The following GARNL3 variants were observed in gnomAD, a reference collection of about 807,000 sequenced individuals.
The protein encoded by GARNL3 is GTPase activating Rap/RanGAP domain like 3, also known as GTPase-activating Rap/Ran-GAP domain-like protein 3.
A neutral mutation model predicts 125.0 loss-of-function variants in GARNL3; 63 were observed. The observed-to-expected ratio is 0.50, with a 90% CI of 0.41 to 0.62. The LOEUF (loss-of-function observed/expected upper bound fraction) is 0.62, where lower values mean the gene tolerates loss of function less well. Ranked by LOEUF, GARNL3 falls within the 20% of genes least tolerant of loss-of-function variation. The probability of loss-of-function intolerance (pLI) is 0.00; values close to 1 mark genes in which losing one functional copy is unlikely to be tolerated. For synonymous variants in GARNL3, 439 were observed against 457.5 expected, an observed-to-expected ratio of 0.96 and a Z score of 0.52; for missense variants, 994 against 1,244.0, an observed-to-expected ratio of 0.80 and a Z score of 3.02.
chr9:127,270,159 C>T (rs2063791438), intron 1 of GARNL3, among the ~76,000 whole-genome samples: 1 of 152,098 alleles, frequency 6.6e-6, no homozygotes, highest in Admixed American at 6.5e-5. Flanking sequence ...CCAGTTTTCC[C>T]AGCACCAGTG....
At chr9:127,245,871 T>G (rs146539895) in intron 2 of GARNL3, among the ~76,000 whole-genome samples, 1 of 152,156 alleles carries the variant, frequency 6.6e-6, no homozygotes, top group African/African-American at 2.4e-5. Flanking sequence ...TCTGGTCCAG[T>G]GCCCATCTCT....
chr9:127,383,030 G>A (rs990425219), intron 22 of GARNL3, among the ~76,000 whole-genome samples: 3 of 152,188 alleles, frequency 2.0e-5, no homozygotes, highest in African/African-American at 4.8e-5. Flanking sequence ...CTGCAGTCAC[G>A]CAGACCTGTG....
At chr9:127,278,731 C>A (rs899500076) in intron 1 of GARNL3, among the ~76,000 whole-genome samples, 3 of 152,138 alleles carry the variant, frequency 2.0e-5, no homozygotes, top group African/African-American at 7.2e-5. Flanking sequence ...GTTCTGGAGG[C>A]TAACAGTTCA....
At chr9:127,378,606 CAG>C (rs1832071202) in intron 22 of GARNL3, among the ~76,000 whole-genome samples, 1 of 122,070 alleles carries the variant, frequency 8.2e-6, no homozygotes, top group Non-Finnish European at 1.8e-5. Context: ...AAAAAAAAAA[CAG>C]ATAAAGGCAT....
intron 6 of GARNL3, among the ~76,000 whole-genome samples, chr9:127,321,089 G>C (rs190496203): frequency 2.0e-5 from 3 of 152,248 alleles, no homozygotes; most frequent in Admixed American, 1.3e-4. Context: ...TGGCTTAAAA[G>C]CTACCCTTTT....
At position 127,266,557 on chromosome 9, in the gene GARNL3, G is replaced by C. The variant is rs890335146; in HGVS notation, c.144+1536G>C. Reference sequence around the variant, plus strand: ...GAACATGTGATCTGAAGTCATTCTTGTTTCATCATTCACTAATTGTATGAT... The same window carrying C: ...GAACATGTGATCTGAAGTCATTCTTCTTTCATCATTCACTAATTGTATGAT... On this transcript the variant is annotated intron_variant, in intron 1 of 27. Transcript: ENST00000373387. This position sits in a 1 kb window ranked among gnomAD's most constrained non-coding sequence, Gnocchi z 4.0. Among the ~76,000 whole-genome samples, 3 of 152,160 alleles carry C rather than the reference G, an allele frequency of 2.0e-5. No homozygotes were observed. Among genetic ancestry groups the C allele is most frequent in the Non-Finnish European group, 2.9e-5 (2 of 68,026 alleles).
chr9:127,387,114 T>G (rs1832580627), intron 24 of GARNL3, 79 bp from the exon 25 acceptor site: 13 of 1,458,274 alleles, frequency 8.9e-6, no homozygotes, highest in Non-Finnish European at 1.1e-5. Context: ...TTGGAGGGTT[T>G]GCAGTGATGG....
intron 1 of GARNL3, among the ~76,000 whole-genome samples, chr9:127,269,465 C>G (rs1035772360): frequency 3.3e-5 from 5 of 152,176 alleles, no homozygotes; most frequent in African/African-American, 1.2e-4. Context: ...TAAGGTGATT[C>G]TGTTTTTAGC....
rs151096787 is a variant in GARNL3, at chr9:127,384,769, A to C, written c.2270-258A>C. Among the ~76,000 whole-genome samples, 1 of 152,296 alleles carries C rather than the reference A, an allele frequency of 6.6e-6. No individual in the cohort carries two copies. Among genetic ancestry groups the C allele is most frequent in the Non-Finnish European group, 1.5e-5 (1 of 68,006 alleles). The stretch of plus-strand genomic sequence containing the variant: ...TGGAAGATCAGGCAGTGGGGTTTCC[A>C]TGGGGGAAAATGGCAGCAAGCATGG... On this transcript the variant is annotated intron_variant, in intron 23 of 27. Coordinates refer to ENST00000373387, the MANE Select transcript of GARNL3 (RefSeq NM_032293.5). This position sits in a 1 kb window ranked among gnomAD's most constrained non-coding sequence, Gnocchi z 4.0.
chr9:127,390,323 C>T (rs1484603416), intron 26 of GARNL3, among the ~76,000 whole-genome samples: 2 of 152,222 alleles, frequency 1.3e-5, no homozygotes, highest in African/African-American at 4.8e-5. Flanking sequence ...CCACTGTTTA[C>T]AAACCACTGA....
At chr9:127,391,700 CAAAA>C (rs11357196) in intron 27 of GARNL3, among the ~76,000 whole-genome samples, 1 of 76,896 alleles carries the variant, frequency 1.3e-5, no homozygotes. Flanking sequence ...GACCCCGTGT[CAAAA>C]AAAAAAAAAA....
chr9:127,372,047 G>A (rs1037305492), intron 22 of GARNL3, among the ~76,000 whole-genome samples: 19 of 152,122 alleles, frequency 1.2e-4, no homozygotes, highest in African/African-American at 4.3e-4. Context: ...ATTCTCCTGC[G>A]TCAGCCTCCC....
Position 127,310,299 on chromosome 9 carries a change from A to T in GARNL3, c.220-1337A>T, listed in dbSNP as rs55745901. Among the ~76,000 whole-genome samples the T allele has an allele frequency of 9.2e-3, 1,404 of 152,332 alleles. 15 individuals are homozygous for T. The highest frequency in any genetic ancestry group is 0.013 in the Non-Finnish European group (876 of 68,036). ...TTTGCTTATGTAAACATTTTGAAAC[A>T]TCTATGTGGCCAAAAATACCATAGA... On this transcript the variant is annotated intron_variant, in intron 2 of 27. Transcript: ENST00000373387.
chr9:127,329,281 C>T (rs1829070007), intron 7 of GARNL3, among the ~76,000 whole-genome samples: 1 of 152,108 alleles, frequency 6.6e-6, no homozygotes, highest in Admixed American at 6.5e-5. Flanking sequence ...TATAATTTAT[C>T]ATTTAAACTG....
chr9:127,332,874 T>C, intron 8 of GARNL3, 149 bp from the exon 9 acceptor site: 1 of 638,650 alleles, frequency 1.6e-6, no homozygotes, highest in Non-Finnish European at 2.8e-6. Flanking sequence ...CTCATGGTGC[T>C]CAAGAAGAAG....
intron 7 of GARNL3, among the ~76,000 whole-genome samples, chr9:127,325,516 T>G (rs1331159489): frequency 6.6e-6 from 1 of 152,198 alleles, no homozygotes; most frequent in East Asian, 1.9e-4. Context: ...AGTATATAAC[T>G]AACATAGGGA....
At chr9:127,355,554 C>T in intron 20 of GARNL3, 82 bp downstream of exon 20, 1 of 1,338,280 alleles carries the variant, frequency 7.5e-7, no homozygotes, top group Non-Finnish European at 1.1e-6. Flanking sequence ...AGTTTGTTAC[C>T]CACTGAGGTT....
chr9:127,357,114 G>A (rs1016576291), intron 20 of GARNL3, 105 bp from the exon 21 acceptor site: 4 of 1,151,838 alleles, frequency 3.5e-6, no homozygotes, highest in African/African-American at 1.5e-5. Context: ...GCAGGAGCCT[G>A]GAGAGGGTGC....
chr9:127,353,185 C>A (rs1204177864), intron 17 of GARNL3, among the ~76,000 whole-genome samples: 11 of 152,162 alleles, frequency 7.2e-5, no homozygotes, highest in Non-Finnish European at 1.3e-4. Context: ...TGAGCATTCC[C>A]ACTTCAGTTC....
Sources: allele counts gnomAD v4.1 joint callset (sites outside exome capture counted in the v4.1 genomes callset), GRCh38; gene constraint gnomAD v4.1.1; non-coding constraint Gnocchi (gnomAD v3.1); transcripts MANE v1.5; gene names NCBI Gene and HGNC (gene_info 2026-07-23, HGNC 2026-07-21).